The following RABGAP1L variants were observed in gnomAD, a reference collection of about 807,000 sequenced individuals.
The protein encoded by RABGAP1L is rab GTPase-activating protein 1-like.
A neutral mutation model predicts 137.7 loss-of-function variants in RABGAP1L; 63 were observed. That is an observed-to-expected ratio of 0.46 (90% CI 0.37 to 0.56). RABGAP1L has a LOEUF of 0.56. Among genes scored for constraint, RABGAP1L ranks in the 20% least tolerant of loss-of-function variants. RABGAP1L has a pLI of 0.00. For missense variants in RABGAP1L, 1,095 were observed against 1,244.0 expected (o/e 0.88, Z 1.80); for synonymous variants, 431 against 433.7 (o/e 0.99, Z 0.08).
intron 17 of RABGAP1L, among the ~76,000 whole-genome samples, chr1:174,704,743 A>G (rs1391913554): frequency 1.3e-5 from 2 of 152,248 alleles, no homozygotes; most frequent in Non-Finnish European, 2.9e-5. Context: ...CAAAGTCACC[A>G]TGTTGTAATC....
rs7339904 is a variant in RABGAP1L at position 174,250,586 on chromosome 1, A to G, written c.829A>G (p.Ser277Gly). Residue 277 changes from serine to glycine, a missense_variant, in exon 6 of 26, where the codon AGT becomes GGT. Ser to Gly is a moderately conservative substitution (Grantham distance 56). This residue lies in a region of RABGAP1L where 112 missense variants were observed against 157.3 expected (regional missense o/e 0.71). Transcript: ENST00000681986. ...PTPDSDVFTF[S>G]VSLEVKEDDG... ...CCCCGACAGTGATGTGTTTACCTTC[A>G]GTGTCTCCTTGGAGGTAAAAGAAGA... is the stretch of plus-strand genomic sequence containing the variant. 18,363 of 1,613,874 alleles carry G rather than the reference A, an allele frequency of 0.011. 1,807 individuals are homozygous for G. In the African/African-American group the frequency reaches 0.21, roughly 19 times the overall value.
At chr1:174,821,410 G>A (rs1487450507) in intron 19 of RABGAP1L, among the ~76,000 whole-genome samples, 1 of 152,102 alleles carries the variant, frequency 6.6e-6, no homozygotes, top group Non-Finnish European at 1.5e-5. Context: ...CTCTGCTCCA[G>A]CTCAATTACC....
chr1:174,838,839 ACCCGGGAGGCGGAG>A (rs1396420010), intron 19 of RABGAP1L, among the ~76,000 whole-genome samples: 3 of 138,248 alleles, frequency 2.2e-5, no homozygotes, highest in Non-Finnish European at 4.6e-5. Context: ...AATGGCGTGA[ACCCGGGAGGCGGAG>A]CTTGTAGTGA....
intron 13 of RABGAP1L, among the ~76,000 whole-genome samples, chr1:174,550,753 C>G (rs1319616380): frequency 6.7e-6 from 1 of 149,550 alleles, no homozygotes; most frequent in African/African-American, 2.5e-5. Context: ...GGCGCGGTGG[C>G]TCACACCTGT....
At chr1:174,980,815 G>A (rs190329856) in intron 23 of RABGAP1L, among the ~76,000 whole-genome samples, 275 of 152,040 alleles carry the variant, frequency 1.8e-3, no homozygotes, top group Non-Finnish European at 3.1e-3. Flanking sequence ...GACAGACCGC[G>A]AATACCAGAG....
chr1:174,877,562 A>T, intron 19 of RABGAP1L: 1 of 1,613,792 alleles, frequency 6.2e-7, no homozygotes, highest in East Asian at 2.2e-5. Context: ...CACGATGAAG[A>T]CTTCCTCACT....
chr1:174,721,200 C>A (rs1203342876), intron 17 of RABGAP1L, among the ~76,000 whole-genome samples: 1 of 152,128 alleles, frequency 6.6e-6, no homozygotes, highest in East Asian at 1.9e-4. Context: ...CTTTCTGTCC[C>A]ATATGAGAGT....
intron 13 of RABGAP1L, among the ~76,000 whole-genome samples, chr1:174,512,071 A>G (rs1484563593): frequency 6.6e-6 from 1 of 152,216 alleles, no homozygotes; most frequent in Non-Finnish European, 1.5e-5. Flanking sequence ...CACATAATGT[A>G]TAGTGATCAG....
At position 174,989,896 on chromosome 1, in the gene RABGAP1L, G is replaced by A. The variant is rs977929959; in HGVS notation, c.3051G>A (p.Ala1017=). 15 of 1,550,384 alleles carry A rather than the reference G, an allele frequency of 9.7e-6. No homozygotes were observed. The highest frequency in any genetic ancestry group is 2.7e-5 in the African/African-American group (2 of 72,978). ...RGALMNEIQA[A]KNSWFSKTLN... Reference sequence around the variant, plus strand: ...CCCTTATGAATGAAATCCAAGCTGCGAAAAACTCTTGGTTTAGCAAAACCC... The same window carrying A: ...CCCTTATGAATGAAATCCAAGCTGCAAAAAACTCTTGGTTTAGCAAAACCC... Residue 1017 remains alanine (A), a synonymous_variant, in exon 26 of 26, where the codon GCG becomes GCA. Coordinates refer to ENST00000681986, the MANE Select transcript of RABGAP1L (RefSeq NM_001366446.1).
chr1:174,921,788 A>G (rs1030508090), intron 19 of RABGAP1L, among the ~76,000 whole-genome samples: 3 of 152,144 alleles, frequency 2.0e-5, no homozygotes, highest in African/African-American at 7.2e-5. Flanking sequence ...GTCTTGTGTT[A>G]TATATATAAA....
chr1:174,783,304 G>A (rs1023145270), intron 18 of RABGAP1L, among the ~76,000 whole-genome samples: 10 of 152,142 alleles, frequency 6.6e-5, no homozygotes, highest in African/African-American at 2.4e-4. Flanking sequence ...TTCTAATAGA[G>A]CTATAACACC....
intron 19 of RABGAP1L, among the ~76,000 whole-genome samples, chr1:174,903,312 C>T (rs1425788832): frequency 1.3e-5 from 2 of 152,150 alleles, no homozygotes; most frequent in African/African-American, 4.8e-5. Context: ...CCCATTACAA[C>T]TCTGGGTTTA....
At chr1:174,749,037 T>G (rs1378060710) in intron 17 of RABGAP1L, among the ~76,000 whole-genome samples, 1 of 150,736 alleles carries the variant, frequency 6.6e-6, no homozygotes, top group Non-Finnish European at 1.5e-5. Flanking sequence ...GTTAGCCAGG[T>G]GTGGTGGCAG....
chr1:174,877,704 T>C, intron 19 of RABGAP1L: 1 of 1,224,690 alleles, frequency 8.2e-7, no homozygotes, highest in South Asian at 1.3e-5. Flanking sequence ...CTGTTGGCTT[T>C]GTGTTATGTC....
intron 13 of RABGAP1L, among the ~76,000 whole-genome samples, chr1:174,613,712 C>A (rs1473337588): frequency 3.3e-5 from 5 of 152,102 alleles, no homozygotes; most frequent in Non-Finnish European, 7.4e-5. Flanking sequence ...GTAGGTTACT[C>A]AGGACTTGCA....
intron 15 of RABGAP1L, among the ~76,000 whole-genome samples, chr1:174,694,464 C>G (rs1679103689): frequency 6.7e-6 from 1 of 149,660 alleles, no homozygotes; most frequent in South Asian, 2.1e-4. Flanking sequence ...GTTTTTTGTT[C>G]TTGCGATAGT....
chr1:174,474,690 C>T (rs1044642783), intron 13 of RABGAP1L, among the ~76,000 whole-genome samples: 3 of 152,140 alleles, frequency 2.0e-5, no homozygotes, highest in African/African-American at 4.8e-5. Flanking sequence ...GCAACCTCCT[C>T]CTCCTGGGTT....
At chr1:174,532,899 A>G (rs1381330585) in intron 13 of RABGAP1L, among the ~76,000 whole-genome samples, 1 of 152,250 alleles carries the variant, frequency 6.6e-6, no homozygotes, top group East Asian at 1.9e-4. Context: ...ACTATAGAAT[A>G]TAACATGATA....
In RABGAP1L at chr1:174,990,200, T is replaced by C; in HGVS notation, c.*199T>C. On this transcript the variant is annotated 3_prime_UTR_variant, in exon 26 of 26. Coordinates refer to ENST00000681986, the MANE Select transcript of RABGAP1L (RefSeq NM_001366446.1). ...GACCTGTTCTATGTTGAATACCTAT[T>C]TTCCAGCTTCTGGAAGGCCATGTTC... is the stretch of plus-strand genomic sequence containing the variant. The C allele has an allele frequency of 1.7e-6, 1 of 576,554 alleles. No individual in the cohort carries two copies. Among genetic ancestry groups the C allele is most frequent in the Non-Finnish European group, 2.7e-6 (1 of 365,100 alleles). 35.7% of individuals were successfully genotyped at this position (576,554 alleles called of 1,614,324 possible). A position where few individuals can be genotyped will look rare whatever the true frequency, so the allele number is the denominator to read the frequency against.
Sources: gnomAD v4.1 joint callset for allele counts (sites outside exome capture counted in the v4.1 genomes callset) on GRCh38, gnomAD v4.1.1 for gene constraint, gnomAD v4.1.1 regional missense constraint, MANE v1.5 for transcripts, NCBI Gene and HGNC (gene_info 2026-07-23, HGNC 2026-07-21) for gene names.